Variants in HECTD4 observed in about 807,000 individuals in gnomAD.
The protein encoded by HECTD4 is HECT domain E3 ubiquitin protein ligase 4, also known as probable E3 ubiquitin-protein ligase HECTD4.
A neutral mutation model predicts 471.5 loss-of-function variants in HECTD4; 114 were observed. The observed-to-expected ratio is 0.24, with a 90% CI of 0.21 to 0.28. The LOEUF is 0.28. Ranked by LOEUF, HECTD4 falls within the 10% of genes least tolerant of loss-of-function variation. The pLI is 1.00. For synonymous variants in HECTD4, 2,012 were observed against 2,256.0 expected (o/e 0.89, Z 3.07); for missense variants, 3,866 against 5,651.5 (o/e 0.68, Z 10.13).
At position 112,166,074 on chromosome 12, in the gene HECTD4, C is replaced by T. The variant is rs1167434448; in HGVS notation, c.12534+1243G>A. 1 of 152,722 alleles carries T rather than the reference C, an allele frequency of 6.5e-6. No individual in the cohort carries two copies. The highest frequency in any genetic ancestry group is 1.9e-4 in the East Asian group (1 of 5,212). The allele number at this position is 152,722 out of a possible 1,614,324, so 9.5% of individuals were successfully genotyped here. ...CTTGGCCATCCCTGTAGCCAGAAGCCTCAGCTGGCCTGTCTACCGGGACCC... is the reference window on the plus strand; with the variant it reads ...CTTGGCCATCCCTGTAGCCAGAAGCTTCAGCTGGCCTGTCTACCGGGACCC... On this transcript the variant is annotated intron_variant, in intron 72 of 75. Transcript: ENST00000682272. The surrounding 1 kb of genome is among the most constrained non-coding windows in gnomAD (Gnocchi z 4.6).
intron 60 of HECTD4, among the ~76,000 whole-genome samples, chr12:112,186,596 C>A (rs997177661): frequency 4.6e-5 from 7 of 151,768 alleles, no homozygotes; most frequent in Non-Finnish European, 7.4e-5. Flanking sequence ...GCCTCAGTCT[C>A]CCAAAGTACT....
At chr12:112,227,205 A>G (rs1275752343) in intron 43 of HECTD4, among the ~76,000 whole-genome samples, 1 of 152,210 alleles carries the variant, frequency 6.6e-6, no homozygotes, top group African/African-American at 2.4e-5. Context: ...CACGCCTGTA[A>G]TCCCAGCAAT....
intron 1 of HECTD4, among the ~76,000 whole-genome samples, chr12:112,346,299 CT>C (rs1237852918): frequency 6.6e-6 from 1 of 152,204 alleles, no homozygotes; most frequent in Non-Finnish European, 1.5e-5. Context: ...CATATTCCCC[CT>C]ATGCCTTCTG....
Position 112,309,611 on chromosome 12 carries a change from T to C in HECTD4, c.975A>G (p.Ser325=). The change falls in exon 5 of 76, where the codon TCA becomes TCG. Residue 325 remains serine, a synonymous_variant. Transcript: ENST00000682272. ...ADGLYLYTTN[S]VGRGVSKLGS... is the part of the protein sequence containing the mutation. ...CCAATTTGCTTACTCCTCTTCCAAC[T>C]GAGTTAGTAGTATACAGGTAAAGAC... The C allele has an allele frequency of 2.6e-6, 4 of 1,535,388 alleles. No homozygotes were observed. The highest frequency in any genetic ancestry group is 3.5e-6 in the Non-Finnish European group (4 of 1,145,386).
At position 112,237,052 on chromosome 12, in the gene HECTD4, G is replaced by A. The variant is rs1268084274; in HGVS notation, c.5337C>T (p.Ser1779=). The change falls in exon 35 of 76, where the codon TCC becomes TCT. Residue 1779 remains serine, a synonymous_variant. Transcript: ENST00000682272. ...AVHSGLARQV[S]SLLTNHLARA... Reference sequence around the variant, plus strand: ...GGGCAAGATGGTTAGTGAGAAGGCTGGACACCTGCCGGGCCAGACCTGAGT... The same window carrying A: ...GGGCAAGATGGTTAGTGAGAAGGCTAGACACCTGCCGGGCCAGACCTGAGT... 5 of 1,601,714 alleles carry A rather than the reference G, an allele frequency of 3.1e-6. No homozygotes were observed. The highest frequency in any genetic ancestry group is 4.3e-6 in the Non-Finnish European group (5 of 1,174,716).
chr12:112,186,680 A>T (rs554434789), intron 60 of HECTD4, among the ~76,000 whole-genome samples: 169 of 115,098 alleles, frequency 1.5e-3, no homozygotes, highest in African/African-American at 4.8e-3. Context: ...TTTTTTTTTT[A>T]AATTGAGACA....
intron 20 of HECTD4, among the ~76,000 whole-genome samples, chr12:112,257,512 T>C (rs923378782): frequency 6.6e-6 from 1 of 152,240 alleles, no homozygotes; most frequent in African/African-American, 2.4e-5. Context: ...CTTCTTCCTC[T>C]TTGTAACCAC....
Position 112,188,054 on chromosome 12 carries a change from A to G in HECTD4, c.9473-2561T>C, listed in dbSNP as rs2031944019. On this transcript the variant is annotated intron_variant, in intron 60 of 75. Coordinates refer to ENST00000682272, the MANE Select transcript of HECTD4 (RefSeq NM_001388303.1). This position sits in a 1 kb window ranked among gnomAD's most constrained non-coding sequence, Gnocchi z 4.2. ...GTAATCCCAGTACTATGGGAGGCCA[A>G]GGCAGGTGGGTCACCTGAGGTCAGG... Among the ~76,000 whole-genome samples, 1 of 152,142 alleles carries G rather than the reference A, an allele frequency of 6.6e-6. No individual in the cohort carries two copies. Among genetic ancestry groups the G allele is most frequent in the African/African-American group, 2.4e-5 (1 of 41,454 alleles).
At chr12:112,296,501 G>A (rs1298554761) in intron 7 of HECTD4, among the ~76,000 whole-genome samples, 3 of 151,620 alleles carry the variant, frequency 2.0e-5, no homozygotes, top group African/African-American at 7.3e-5. Context: ...AGGTGCAGTA[G>A]ATATAGGTGC....
At chr12:112,313,906 A>G (rs1279797900) in intron 3 of HECTD4, among the ~76,000 whole-genome samples, 1 of 152,182 alleles carries the variant, frequency 6.6e-6, no homozygotes, top group East Asian at 1.9e-4. Flanking sequence ...TGGGTTATGA[A>G]TTAGGAAGCA....
chr12:112,275,169 C>T (rs2034500683), intron 9 of HECTD4, among the ~76,000 whole-genome samples: 1 of 152,136 alleles, frequency 6.6e-6, no homozygotes, highest in Admixed American at 6.6e-5. Context: ...AATTTAATAC[C>T]GAACCATAGT....
At position 112,206,726 on chromosome 12, in the gene HECTD4, C is replaced by T. The variant is rs548559812; in HGVS notation, c.8131+1148G>A. On this transcript the variant is annotated intron_variant, in intron 52 of 75. Transcript: ENST00000682272. Reference sequence around the variant, plus strand: ...TAATTTTTTGTATTTTTAGTAGAGACGGGGTTTCACCGTGTTAGCCAGGAT... The same window carrying T: ...TAATTTTTTGTATTTTTAGTAGAGATGGGGTTTCACCGTGTTAGCCAGGAT... 5.7e-4 allele frequency among the ~76,000 whole-genome samples: 86 copies of T among 151,948 alleles called. 1 individual carries two copies. The East Asian group carries it at 0.015, about 26-fold the overall frequency.
chr12:112,347,047 A>C (rs1487268679), intron 1 of HECTD4, among the ~76,000 whole-genome samples: 1 of 152,130 alleles, frequency 6.6e-6, no homozygotes, highest in Non-Finnish European at 1.5e-5. Flanking sequence ...TGGCCTTCTA[A>C]CTACAGTTTG....
chr12:112,362,894 G>A (rs1007047388), intron 1 of HECTD4, among the ~76,000 whole-genome samples: 3 of 151,970 alleles, frequency 2.0e-5, no homozygotes, highest in African/African-American at 7.3e-5. Flanking sequence ...TAGAGACGGG[G>A]TTCCACCATG....
chr12:112,192,926 T>C (rs573221108), intron 58 of HECTD4, 135 bp downstream of exon 58: 179 of 1,270,106 alleles, frequency 1.4e-4, no homozygotes, highest in Non-Finnish European at 1.8e-4. Context: ...TCCCCAAACA[T>C]AGAAATATGG....
In HECTD4 at chr12:112,294,606, A is replaced by G. The variant is rs192401393; in HGVS notation, c.1336-11304T>C. On this transcript the variant is annotated intron_variant, in intron 7 of 75. Coordinates refer to ENST00000682272, the MANE Select transcript of HECTD4 (RefSeq NM_001388303.1). The stretch of plus-strand genomic sequence containing the variant: ...ATCAAACCCCTGGAGAGAAAGATCT[A>G]TTCTTTTCCATCTTATCCTCCCTAC... 3.9e-3 allele frequency among the ~76,000 whole-genome samples: 593 copies of G among 152,174 alleles called. 6 individuals carry two copies. Among genetic ancestry groups the G allele is most frequent in the Middle Eastern group, 0.014 (4 of 294 alleles).
chr12:112,228,186 C>G lies in HECTD4; in HGVS notation c.6757G>C (p.Glu2253Gln). Reference sequence around the variant, plus strand: ...GAGGTGTGAATAGAGAGACTTCCCTCCTGAGGAAGCAACATGGACTGGACT... The same window carrying G: ...GAGGTGTGAATAGAGAGACTTCCCTGCTGAGGAAGCAACATGGACTGGACT... ...QAVQSMLLPQEGSLSIHTSLP... is the reference protein window; with the variant it reads ...QAVQSMLLPQQGSLSIHTSLP... Residue 2253 changes from glutamate to glutamine, a missense_variant, in exon 43 of 76, where the codon GAG (glutamate) becomes CAG (glutamine). Around this residue, in one of 16 missense-constraint regions of HECTD4, gnomAD observed 617 missense variants for 915.1 expected, o/e 0.67. Transcript: ENST00000682272. The surrounding 1 kb of genome is among the most constrained non-coding windows in gnomAD (Gnocchi z 4.9). 6.2e-7 allele frequency: 1 copy of G among 1,613,960 alleles called. No individual in the cohort carries two copies. Among genetic ancestry groups the G allele is most frequent in the Non-Finnish European group, 8.5e-7 (1 of 1,179,862 alleles).
chr12:112,219,123 A>T (rs2135552695), intron 45 of HECTD4, among the ~76,000 whole-genome samples: 1 of 151,974 alleles, frequency 6.6e-6, no homozygotes, highest in East Asian at 1.9e-4. Context: ...TCTTTTTGTT[A>T]TTGACAGCAC....
chr12:112,231,564 T>C lies in HECTD4; in HGVS notation c.6149A>G (p.Lys2050Arg), dbSNP rs2033380941. 6.2e-6 allele frequency: 10 copies of C among 1,614,048 alleles called. No individual in the cohort carries two copies. The highest frequency in any genetic ancestry group is 8.5e-6 in the Non-Finnish European group (10 of 1,179,894). ...TVSGLSTGDK[K>R]KTAQTSICRE... ...GCAAATGGAAGTTTGGGCAGTTTTC[T>C]TTTTGTCGCCTGTGGATAGTCCACT... The change falls in exon 39 of 76, where the codon AAG becomes AGG. Residue 2050 changes from lysine (K) to arginine (R), a missense_variant. Physicochemically the swap from Lys to Arg is conservative, Grantham distance 26. This residue lies in a region of HECTD4 where 617 missense variants were observed against 915.1 expected (regional missense o/e 0.67). Coordinates refer to ENST00000682272, the MANE Select transcript of HECTD4 (RefSeq NM_001388303.1).
Sources: gnomAD v4.1 joint callset for allele counts (sites outside exome capture counted in the v4.1 genomes callset) on GRCh38, gnomAD v4.1.1 for gene constraint, gnomAD v4.1.1 regional missense constraint, Gnocchi (gnomAD v3.1) non-coding constraint, MANE v1.5 for transcripts, NCBI Gene and HGNC (gene_info 2026-07-23, HGNC 2026-07-21) for gene names.